Variants in NIBAN3 observed in about 807,000 individuals in gnomAD.
NIBAN3 encodes niban apoptosis regulator 3.
NIBAN3 carries 66 observed loss-of-function variants against 76.4 expected under a neutral mutation model. The observed-to-expected ratio is 0.86, with a 90% CI of 0.71 to 1.06. The LOEUF (loss-of-function observed/expected upper bound fraction) is 1.06, where lower values mean the gene tolerates loss of function less well. NIBAN3 is among the 50% of genes least tolerant of loss of function. The pLI is 0.00. For missense variants in NIBAN3, 808 were observed against 810.7 expected, an observed-to-expected ratio of 1.00 and a Z score of 0.04; for synonymous variants, 360 against 355.2, an observed-to-expected ratio of 1.01 and a Z score of -0.15.
At chr19:17,547,545 G>A (rs563840910) in intron 13 of NIBAN3, among the ~76,000 whole-genome samples, 54 of 150,876 alleles carry the variant, frequency 3.6e-4, no homozygotes, top group African/African-American at 1.2e-3. Context: ...AGTAGAGATG[G>A]GGTTTCACCA....
intron 1 of NIBAN3, among the ~76,000 whole-genome samples, chr19:17,530,245 C>T (rs2075690958): frequency 6.6e-6 from 1 of 151,880 alleles, no homozygotes; most frequent in South Asian, 2.1e-4. Context: ...CACCTGAGCC[C>T]AGGAAGTAGA....
In NIBAN3 at chr19:17,527,319, A is replaced by G. The variant is rs569106793; in HGVS notation, c.-22A>G. 1.0e-5 allele frequency: 16 copies of G among 1,550,360 alleles called. No homozygotes were observed. The African/African-American group carries it at 2.1e-4, about 20-fold the overall frequency. ...CGGTGGTCGTGGGGAAGGGAAGAGG[A>G]GCCCCGGGAGACGACAGCAGCATGG... On this transcript the variant is annotated 5_prime_UTR_variant, in exon 1 of 15. Coordinates refer to ENST00000599164, the MANE Select transcript of NIBAN3 (RefSeq NM_001321827.2).
chr19:17,524,251 T>C (rs781047733), upstream of NIBAN3, among the ~76,000 whole-genome samples: 2 of 151,880 alleles, frequency 1.3e-5, no homozygotes, highest in Non-Finnish European at 2.9e-5. Context: ...TCCTGCTGCA[T>C]TTTTCTTCCT....
intron 3 of NIBAN3, among the ~76,000 whole-genome samples, chr19:17,532,815 C>T (rs533216366): frequency 3.3e-5 from 5 of 151,936 alleles, no homozygotes; most frequent in Admixed American, 6.6e-5. Flanking sequence ...GGGACCGGAC[C>T]GGCACGTGGG....
downstream of NIBAN3, among the ~76,000 whole-genome samples, chr19:17,554,929 CA>C (rs539980884): frequency 0.33 from 30,491 of 92,030 alleles, 3,464 homozygotes; most frequent in Middle Eastern, 0.43. Flanking sequence ...GACTCCGTCT[CA>C]AAAAAAAAAA....
chr19:17,547,350 CTTTTTT>C (rs1161818189), intron 13 of NIBAN3, among the ~76,000 whole-genome samples: 1 of 62,700 alleles, frequency 1.6e-5, no homozygotes, highest in Non-Finnish European at 2.6e-5. Context: ...GAGACTATGT[CTTTTTT>C]TTTTTTTTTT....
downstream of NIBAN3, among the ~76,000 whole-genome samples, chr19:17,554,039 T>G (rs1371616022): frequency 6.6e-6 from 1 of 152,008 alleles, no homozygotes; most frequent in African/African-American, 2.4e-5. Flanking sequence ...GACCGGCTAA[T>G]TTTTTGTGTT....
Position 17,546,405 on chromosome 19 carries a change from G to A in NIBAN3, c.1555-281G>A, listed in dbSNP as rs550155508. On this transcript the variant is annotated intron_variant, in intron 12 of 14. Coordinates refer to ENST00000599164, the MANE Select transcript of NIBAN3 (RefSeq NM_001321827.2). The stretch of plus-strand genomic sequence containing the variant: ...TAATTTTTGTACTTTTAGTAGAGAC[G>A]GTGGTTTCACCATGTTGGTCAGGCT... 53 of 292,886 alleles carry A rather than the reference G, an allele frequency of 1.8e-4. 1 individual carries two copies. The East Asian group carries it at 5.9e-3, about 33-fold the overall frequency. The allele number at this position is 292,886 out of a possible 1,614,324, so 18.1% of individuals were successfully genotyped here.
chr19:17,543,621 G>A lies in NIBAN3; in HGVS notation c.1544G>A (p.Gly515Asp), dbSNP rs1174741242. 1.1e-5 allele frequency: 18 copies of A among 1,612,490 alleles called. 1 individual carries two copies. The East Asian group carries it at 4.0e-4, about 36-fold the overall frequency. Residue 515 changes from glycine (G) to aspartate (D), a missense_variant, in exon 12 of 15, where the codon GGC becomes GAC. Transcript: ENST00000599164. The part of the protein sequence containing the change: ...LPFVLSQLEP[G>D]CKKELPEFEG... Reference sequence around the variant, plus strand: ...TTTGTGCTGAGCCAACTCGAGCCAGGCTGCAAAAAGGTGAGTTAATGGGAA... The same window carrying A: ...TTTGTGCTGAGCCAACTCGAGCCAGACTGCAAAAAGGTGAGTTAATGGGAA...
At chr19:17,537,064 C>T (rs896738049) in intron 4 of NIBAN3, among the ~76,000 whole-genome samples, 7 of 152,180 alleles carry the variant, frequency 4.6e-5, no homozygotes, top group Non-Finnish European at 7.3e-5. Context: ...CCGGACGACT[C>T]AGATAACATC....
At chr19:17,527,098 T>C (rs2075618050), upstream of NIBAN3, 3 of 930,622 alleles carry the variant, frequency 3.2e-6, no homozygotes, top group Non-Finnish European at 3.1e-6. Flanking sequence ...ATTTTCTTTC[T>C]CCCACACCCC....
intron 14 of NIBAN3, among the ~76,000 whole-genome samples, chr19:17,550,481 A>T (rs941354415): frequency 1.3e-5 from 2 of 152,114 alleles, no homozygotes; most frequent in African/African-American, 4.8e-5. Flanking sequence ...AGCCTGGACA[A>T]CATAGCAAGA....
intron 13 of NIBAN3, 140 bp from the exon 14 acceptor site, chr19:17,549,304 C>T (rs1007677682): frequency 1.6e-5 from 11 of 667,130 alleles, no homozygotes. Flanking sequence ...GCCATGGGTG[C>T]GGGCTTGGAG....
chr19:17,534,330 C>T (rs1326544658), intron 4 of NIBAN3, among the ~76,000 whole-genome samples: 7 of 152,052 alleles, frequency 4.6e-5, no homozygotes, highest in Non-Finnish European at 4.4e-5. Context: ...GCCTGGCCAA[C>T]GTGGTGAAAC....
At chr19:17,526,534 G>A (rs1599699902), upstream of NIBAN3, among the ~76,000 whole-genome samples, 1 of 151,962 alleles carries the variant, frequency 6.6e-6, no homozygotes, top group African/African-American at 2.4e-5. Context: ...TGTGGGCCCA[G>A]CTACTCTGGA....
In NIBAN3 at chr19:17,549,462, G is replaced by T; in HGVS notation, c.1685G>T (p.Gly562Val). 1 of 1,613,648 alleles carries T rather than the reference G, an allele frequency of 6.2e-7. No homozygotes were observed. The highest frequency in any genetic ancestry group is 8.5e-7 in the Non-Finnish European group (1 of 1,179,696). ...RIDQELKKTL[G>V]ANDVSCTLDG... ...ATTTCAGAATTGAAAAAGACCCTTGGTGCCAATGATGTATCCTGCACTCTG... is the reference window on the plus strand; with the variant it reads ...ATTTCAGAATTGAAAAAGACCCTTGTTGCCAATGATGTATCCTGCACTCTG... The change falls in exon 14 of 15, where the codon GGT becomes GTT. Residue 562 changes from glycine to valine, a missense_variant. Physicochemically the swap from Gly to Val is moderately radical, Grantham distance 109. Transcript: ENST00000599164.
At chr19:17,544,379 A>G (rs1433091149) in intron 12 of NIBAN3, among the ~76,000 whole-genome samples, 2 of 152,160 alleles carry the variant, frequency 1.3e-5, no homozygotes, top group Non-Finnish European at 1.5e-5. Context: ...TGCTTCACCT[A>G]TGACGGGGTT....
chr19:17,523,589 A>G (rs2144651943), upstream of NIBAN3: 1 of 691,264 alleles, frequency 1.4e-6, no homozygotes, highest in African/African-American at 1.8e-5. Flanking sequence ...CAGCACAGGG[A>G]CCCCACATGG....
At chr19:17,529,224 G>T (rs1341000358) in intron 1 of NIBAN3, among the ~76,000 whole-genome samples, 1 of 152,162 alleles carries the variant, frequency 6.6e-6, no homozygotes, top group Admixed American at 6.6e-5. Context: ...GCATTGTAAG[G>T]ATTCAAAGAG....
Sources: gnomAD v4.1 joint callset for allele counts (sites outside exome capture counted in the v4.1 genomes callset) on GRCh38, gnomAD v4.1.1 for gene constraint, MANE v1.5 for transcripts, NCBI Gene and HGNC (gene_info 2026-07-23, HGNC 2026-07-21) for gene names.